The following PDSS2 variants were observed in gnomAD, a reference collection of about 807,000 sequenced individuals.
PDSS2 encodes the protein decaprenyl diphosphate synthase subunit 2, also known as all trans-polyprenyl-diphosphate synthase PDSS2.
PDSS2 carries 31 observed loss-of-function variants against 44.5 expected under a neutral mutation model. The ratio of observed to expected loss-of-function variants is 0.70; its 90% confidence interval spans 0.52 to 0.94. The LOEUF is 0.94. Ranked by LOEUF, PDSS2 falls within the 40% of genes least tolerant of loss-of-function variation. PDSS2 has a pLI of 0.00. For synonymous variants in PDSS2, 157 were observed against 180.3 expected (o/e 0.87, Z 1.03); for missense variants, 452 against 482.2 (o/e 0.94, Z 0.59).
intron 4 of PDSS2, among the ~76,000 whole-genome samples, chr6:107,212,836 C>CAA (rs68101776): frequency 3.1e-5 from 4 of 127,784 alleles, no homozygotes; most frequent in South Asian, 2.5e-4. Context: ...CAAGACTCTA[C>CAA]AAAAAAAAAA....
At chr6:107,360,376 G>C (rs1351271857) in intron 1 of PDSS2, among the ~76,000 whole-genome samples, 8 of 152,154 alleles carry the variant, frequency 5.3e-5, no homozygotes, top group Non-Finnish European at 5.9e-5. Context: ...GTGGTGCATA[G>C]AGTCTGTGGA....
chr6:107,421,670 G>A (rs1780826800), intron 1 of PDSS2, among the ~76,000 whole-genome samples: 1 of 151,742 alleles, frequency 6.6e-6, no homozygotes, highest in African/African-American at 2.4e-5. Flanking sequence ...TCAAGGTTAG[G>A]AAAGGAGGAA....
At chr6:107,386,389 A>AC (rs995876589) in intron 1 of PDSS2, among the ~76,000 whole-genome samples, 2 of 151,930 alleles carry the variant, frequency 1.3e-5, no homozygotes, top group African/African-American at 2.4e-5. Flanking sequence ...TAAAAAAAAA[A>AC]AAAACAAAAA....
chr6:107,338,392 T>C (rs1777972855), intron 1 of PDSS2, among the ~76,000 whole-genome samples: 1 of 152,226 alleles, frequency 6.6e-6, no homozygotes, highest in Non-Finnish European at 1.5e-5. Context: ...GTTGGTGTTC[T>C]CAAACGTATT....
intron 2 of PDSS2, among the ~76,000 whole-genome samples, chr6:107,297,340 G>A (rs564799475): frequency 6.6e-6 from 1 of 151,920 alleles, no homozygotes; most frequent in African/African-American, 2.4e-5. Context: ...ACTCCCAGAA[G>A]TATCTGGAAA....
chr6:107,169,573 G>C (rs1554248150), intron 7 of PDSS2, among the ~76,000 whole-genome samples: 1 of 152,106 alleles, frequency 6.6e-6, no homozygotes, highest in Non-Finnish European at 1.5e-5. Flanking sequence ...AGAATTTTCA[G>C]CTTTTCTGCT....
intron 7 of PDSS2, among the ~76,000 whole-genome samples, chr6:107,159,661 A>C (rs1231536730): frequency 6.6e-6 from 1 of 150,628 alleles, no homozygotes; most frequent in Admixed American, 6.6e-5. Context: ...CTTGCGATCC[A>C]CCCACCTCGG....
chr6:107,436,653 G>A (rs1781357053), intron 1 of PDSS2, among the ~76,000 whole-genome samples: 1 of 152,148 alleles, frequency 6.6e-6, no homozygotes, highest in Admixed American at 6.5e-5. Flanking sequence ...AAGTTCTAGT[G>A]TTCTTTATCA....
At chr6:107,185,288 A>G (rs1772128933) in intron 7 of PDSS2, among the ~76,000 whole-genome samples, 1 of 152,170 alleles carries the variant, frequency 6.6e-6, no homozygotes, top group African/African-American at 2.4e-5. Flanking sequence ...GCACAGTCCT[A>G]GGCACTGGTG....
chr6:107,266,387 T>C (rs1775412232), intron 3 of PDSS2, among the ~76,000 whole-genome samples: 1 of 87,194 alleles, frequency 1.1e-5, no homozygotes, highest in Non-Finnish European at 2.4e-5. Flanking sequence ...CCCTGAGGCA[T>C]TTTTTTTTTT....
chr6:107,310,214 G>T (rs1300205373), intron 2 of PDSS2, among the ~76,000 whole-genome samples: 1 of 149,940 alleles, frequency 6.7e-6, no homozygotes, highest in Non-Finnish European at 1.5e-5. Flanking sequence ...GAACCTGGGA[G>T]GCGGAGCTTA....
At chr6:107,261,288 T>A (rs910163881) in intron 3 of PDSS2, among the ~76,000 whole-genome samples, 1 of 152,186 alleles carries the variant, frequency 6.6e-6, no homozygotes, top group African/African-American at 2.4e-5. Flanking sequence ...TGTGTTTGGA[T>A]CATGGGGGCA....
intron 2 of PDSS2, among the ~76,000 whole-genome samples, chr6:107,294,725 A>G (rs1446462755): frequency 6.6e-6 from 1 of 152,218 alleles, no homozygotes; most frequent in Non-Finnish European, 1.5e-5. Context: ...AGAAAATGGA[A>G]ATTCAGATAT....
At chr6:107,306,274 G>A (rs1159534918) in intron 2 of PDSS2, among the ~76,000 whole-genome samples, 5 of 152,250 alleles carry the variant, frequency 3.3e-5, no homozygotes, top group Admixed American at 2.6e-4. Flanking sequence ...AATCATGGGG[G>A]CAGGTCTTTC....
chr6:107,289,066 C>T (rs370324237), intron 2 of PDSS2, among the ~76,000 whole-genome samples: 2 of 150,034 alleles, frequency 1.3e-5, no homozygotes, highest in Admixed American at 6.6e-5. Context: ...CGCGCCTGGC[C>T]GAAATTGATA....
At chr6:107,363,816 C>G (rs1287947348) in intron 1 of PDSS2, among the ~76,000 whole-genome samples, 1 of 152,166 alleles carries the variant, frequency 6.6e-6, no homozygotes, top group Non-Finnish European at 1.5e-5. Context: ...AGGTTCTCCA[C>G]GTCCACATCA....
intron 1 of PDSS2, among the ~76,000 whole-genome samples, chr6:107,371,997 C>A (rs1583003716): frequency 6.6e-6 from 1 of 152,154 alleles, no homozygotes; most frequent in East Asian, 1.9e-4. Context: ...AGGCAAAATT[C>A]AAACCAAGAA....
intron 1 of PDSS2, among the ~76,000 whole-genome samples, chr6:107,348,865 A>G (rs1191172073): frequency 6.6e-6 from 1 of 152,076 alleles, no homozygotes; most frequent in Non-Finnish European, 1.5e-5. Context: ...TTTTTAACTT[A>G]CTTAAACTTC....
At chr6:107,166,369 T>G (rs1370843361) in intron 7 of PDSS2, among the ~76,000 whole-genome samples, 2 of 146,848 alleles carry the variant, frequency 1.4e-5, no homozygotes, top group African/African-American at 5.1e-5. Flanking sequence ...GAGTTTTTTT[T>G]TTTTTTTTTT....
Sources: allele counts gnomAD v4.1 joint callset (sites outside exome capture counted in the v4.1 genomes callset), GRCh38; gene constraint gnomAD v4.1.1; transcripts MANE v1.5; gene names NCBI Gene and HGNC (gene_info 2026-07-23, HGNC 2026-07-21).